The following SNX29 variants were observed in gnomAD, a reference collection of about 807,000 sequenced individuals.
SNX29 encodes sorting nexin-29.
In SNX29, 78 loss-of-function variants were observed where a neutral mutation model predicts 102.1. The observed-to-expected ratio is 0.76, with a 90% CI of 0.64 to 0.92. The LOEUF is 0.92. Ranked by LOEUF, SNX29 falls within the 40% of genes least tolerant of loss-of-function variation. The probability of loss-of-function intolerance (pLI) is 0.00; values close to 1 mark genes in which losing one functional copy is unlikely to be tolerated. For synonymous variants in SNX29, 580 were observed against 414.5 expected, an observed-to-expected ratio of 1.40 and a Z score of -4.85; for missense variants, 1,280 against 1,061.7, an observed-to-expected ratio of 1.21 and a Z score of -2.86.
intron 5 of SNX29, among the ~76,000 whole-genome samples, chr16:12,044,297 C>T (rs2050002057): frequency 6.6e-6 from 1 of 152,192 alleles, no homozygotes; most frequent in Admixed American, 6.5e-5. Context: ...TCCTCTTCTG[C>T]TTTATCTACT....
At chr16:12,027,286 T>TG in intron 3 of SNX29, 34 bp from the exon 4 acceptor site, 2 of 1,611,508 alleles carry the variant, frequency 1.2e-6, no homozygotes, top group Non-Finnish European at 1.7e-6. Context: ...CTCCCTTTTC[T>TG]GGGGGGACTG....
At chr16:12,561,706 G>A (rs567235430) in intron 20 of SNX29, among the ~76,000 whole-genome samples, 5 of 152,300 alleles carry the variant, frequency 3.3e-5, no homozygotes, top group South Asian at 4.1e-4. Flanking sequence ...CAACTCCCCA[G>A]TGCTGTGTTA....
At position 12,463,671 on chromosome 16, in the gene SNX29, A is replaced by G. The variant is rs553811483; in HGVS notation, c.2038-14048A>G. Among the ~76,000 whole-genome samples the G allele has an allele frequency of 7.9e-5, 12 of 152,328 alleles. No individual in the cohort carries two copies. In the South Asian group the frequency reaches 1.9e-3, roughly 24 times the overall value. On this transcript the variant is annotated intron_variant, in intron 18 of 20. Transcript: ENST00000566228. ...ACAGAACCAAACCATAGCAACCTCT[A>G]TTATTAAAAATTGTTTTTAAATTTT...
At chr16:12,049,477 C>T (rs2050218846) in intron 7 of SNX29, among the ~76,000 whole-genome samples, 2 of 152,128 alleles carry the variant, frequency 1.3e-5, no homozygotes, top group South Asian at 2.1e-4. Context: ...GGACTATAGG[C>T]ATGTGCCAAC....
At chr16:12,460,698 C>A (rs955210451) in intron 18 of SNX29, among the ~76,000 whole-genome samples, 2 of 147,494 alleles carry the variant, frequency 1.4e-5, no homozygotes, top group Non-Finnish European at 3.0e-5. Flanking sequence ...AGCTCTGTTG[C>A]CTAGGCTGGA....
chr16:12,302,905 C>T (rs961005547), intron 15 of SNX29, among the ~76,000 whole-genome samples: 1 of 152,150 alleles, frequency 6.6e-6, no homozygotes, highest in African/African-American at 2.4e-5. Flanking sequence ...AGCTTCTGGG[C>T]TCGTGTTAGT....
intron 15 of SNX29, among the ~76,000 whole-genome samples, chr16:12,296,890 T>G (rs888077310): frequency 2.0e-5 from 3 of 152,234 alleles, no homozygotes; most frequent in African/African-American, 7.2e-5. Flanking sequence ...CCAACACTAT[T>G]GACATTTTGG....
rs192670414 is a variant in SNX29, at chr16:12,568,538, G to A, written c.2351G>A (p.Ser784Asn). ...ACCCCGCCCGGAGAGCCTGTGAACAGCCGGCCCAAAGCAGCTTCCCGCTTC... is the reference window on the plus strand; with the variant it reads ...ACCCCGCCCGGAGAGCCTGTGAACAACCGGCCCAAAGCAGCTTCCCGCTTC... Reference protein sequence around the residue: ...DITPPGEPVNSRPKAASRFPK... With the variant: ...DITPPGEPVNNRPKAASRFPK... Residue 784 changes from serine (S) to asparagine (N), a missense_variant, in exon 21 of 21, where the codon AGC becomes AAC. Transcript: ENST00000566228. 0.013 allele frequency: 20,454 copies of A among 1,609,662 alleles called. 155 individuals are homozygous for A. The highest frequency in any genetic ancestry group is 0.016 in the Middle Eastern group (96 of 6,062).
intron 1 of SNX29, among the ~76,000 whole-genome samples, chr16:11,994,751 G>T (rs184269287): frequency 3.3e-5 from 5 of 152,288 alleles, no homozygotes; most frequent in South Asian, 4.1e-4. Flanking sequence ...ATTCTTCTGG[G>T]CCCTGGCGGA....
intron 3 of SNX29, among the ~76,000 whole-genome samples, chr16:12,018,053 C>A (rs149527078): frequency 6.6e-6 from 1 of 152,130 alleles, no homozygotes; most frequent in African/African-American, 2.4e-5. Flanking sequence ...TTACAGGTAC[C>A]TGCCACCACG....
intron 16 of SNX29, among the ~76,000 whole-genome samples, chr16:12,386,574 G>C (rs74011704): frequency 0.077 from 11,790 of 152,172 alleles, 1,386 homozygotes; most frequent in African/African-American, 0.25. Flanking sequence ...GTGTGACACT[G>C]TTGCCAATAG....
intron 20 of SNX29, among the ~76,000 whole-genome samples, chr16:12,547,513 G>A (rs2077682766): frequency 6.6e-6 from 1 of 152,080 alleles, no homozygotes; most frequent in Non-Finnish European, 1.5e-5. Context: ...TTCAATGTGG[G>A]TGTGAGAGAA....
rs140604540 is a variant in SNX29 at position 12,219,677 on chromosome 16, A to G, written c.1678+19994A>G. On this transcript the variant is annotated intron_variant, in intron 14 of 20. Coordinates refer to ENST00000566228, the MANE Select transcript of SNX29 (RefSeq NM_032167.5). ...TTTCTCTTATTGAAAATTCATGCGT[A>G]TTTTAACACATAATGTTTTTCTAAT... Among the ~76,000 whole-genome samples the G allele has an allele frequency of 3.7e-3, 559 of 152,294 alleles. 4 individuals carry two copies. The highest frequency in any genetic ancestry group is 0.013 in the African/African-American group (532 of 41,564).
chr16:12,151,201 T>C (rs2055286097), intron 13 of SNX29, among the ~76,000 whole-genome samples: 1 of 152,196 alleles, frequency 6.6e-6, no homozygotes, highest in East Asian at 1.9e-4. Flanking sequence ...TGCTTTGTTT[T>C]TTGCTTAACA....
intron 4 of SNX29, 100 bp from the exon 5 acceptor site, chr16:12,042,797 C>G (rs2049936327): frequency 2.4e-6 from 3 of 1,227,402 alleles, no homozygotes; most frequent in South Asian, 1.5e-5. Flanking sequence ...AGGGGATACT[C>G]TGTTACAATC....
chr16:12,349,943 C>A (rs2081948695), intron 15 of SNX29, among the ~76,000 whole-genome samples: 1 of 152,142 alleles, frequency 6.6e-6, no homozygotes, highest in African/African-American at 2.4e-5. Context: ...CACCAAAAAA[C>A]AGTCTAGAAA....
chr16:12,179,956 T>C (rs931388761), intron 13 of SNX29, among the ~76,000 whole-genome samples: 43 of 152,372 alleles, frequency 2.8e-4, no homozygotes, highest in African/African-American at 1.0e-3. Flanking sequence ...GTGTTAGTCA[T>C]TCCGTCAGTA....
chr16:12,390,161 T>G (rs1490826011), intron 16 of SNX29, among the ~76,000 whole-genome samples: 2 of 150,168 alleles, frequency 1.3e-5, no homozygotes, highest in African/African-American at 5.0e-5. Flanking sequence ...TGTGTGTGTG[T>G]GTGTGTGTGT....
At chr16:12,284,540 G>C (rs1278214831) in intron 15 of SNX29, among the ~76,000 whole-genome samples, 2 of 152,180 alleles carry the variant, frequency 1.3e-5, no homozygotes, top group African/African-American at 2.4e-5. Flanking sequence ...TACATGACCT[G>C]AGCTAGGCCC....
Sources: allele counts gnomAD v4.1 joint callset (sites outside exome capture counted in the v4.1 genomes callset), GRCh38; gene constraint gnomAD v4.1.1; transcripts MANE v1.5; gene names NCBI Gene and HGNC (gene_info 2026-07-23, HGNC 2026-07-21).